LRFN5: variants seen among roughly 807,000 people sequenced by gnomAD.
The protein encoded by LRFN5 is leucine rich repeat and fibronectin type III domain containing 5, also known as leucine-rich repeat and fibronectin type-III domain-containing protein 5.
LRFN5 carries 24 observed loss-of-function variants against 45.6 expected under a neutral mutation model. The observed-to-expected ratio is 0.53, with a 90% CI of 0.38 to 0.74. The LOEUF is 0.74. LRFN5 is among the 30% of genes least tolerant of loss of function. The pLI is 0.00. For synonymous variants in LRFN5, 340 were observed against 313.8 expected, an observed-to-expected ratio of 1.08 and a Z score of -0.88; for missense variants, 776 against 861.5, an observed-to-expected ratio of 0.90 and a Z score of 1.24.
chr14:41,837,379 A>G (rs1888700028), intron 2 of LRFN5, among the ~76,000 whole-genome samples: 1 of 152,134 alleles, frequency 6.6e-6, no homozygotes, highest in African/African-American at 2.4e-5. Flanking sequence ...AGGGCAGTGG[A>G]GAAAGACATA....
intron 1 of LRFN5, among the ~76,000 whole-genome samples, chr14:41,632,525 C>T (rs979776963): frequency 6.6e-6 from 1 of 152,106 alleles, no homozygotes; most frequent in African/African-American, 2.4e-5. Flanking sequence ...ATTTCTTGAA[C>T]CCAGGAGGTG....
chr14:41,786,040 T>TG (rs1032897614), intron 2 of LRFN5, among the ~76,000 whole-genome samples: 1 of 152,134 alleles, frequency 6.6e-6, no homozygotes, highest in South Asian at 2.1e-4. Flanking sequence ...CCCTGATATA[T>TG]GGTACAAGAA....
At chr14:41,816,076 G>A (rs1209222400) in intron 2 of LRFN5, among the ~76,000 whole-genome samples, 1 of 152,040 alleles carries the variant, frequency 6.6e-6, no homozygotes, top group Non-Finnish European at 1.5e-5. Context: ...CAAGTAGTGT[G>A]AGTTTTATAT....
chr14:41,818,281 A>G (rs1887989209), intron 2 of LRFN5, among the ~76,000 whole-genome samples: 1 of 151,880 alleles, frequency 6.6e-6, no homozygotes, highest in African/African-American at 2.4e-5. Flanking sequence ...ATTGTAATTC[A>G]TGGTACTATT....
chr14:41,675,370 GC>G (rs1881574413), intron 1 of LRFN5, among the ~76,000 whole-genome samples: 1 of 152,262 alleles, frequency 6.6e-6, no homozygotes, highest in Non-Finnish European at 1.5e-5. Context: ...GGAGGCCGAG[GC>G]TGGCGGATCA....
chr14:41,778,598 T>G (rs1325740442), intron 2 of LRFN5, among the ~76,000 whole-genome samples: 5 of 151,818 alleles, frequency 3.3e-5, no homozygotes, highest in Middle Eastern at 3.4e-3. Context: ...TGAAGAAAGG[T>G]TTATAAAACT....
At chr14:41,612,878 AT>A (rs1887803114) in intron 1 of LRFN5, among the ~76,000 whole-genome samples, 1 of 152,112 alleles carries the variant, frequency 6.6e-6, no homozygotes, top group Non-Finnish European at 1.5e-5. Context: ...AAATATAAGA[AT>A]TTAATTCAAA....
At chr14:41,660,471 A>G (rs1566608059) in intron 1 of LRFN5, among the ~76,000 whole-genome samples, 1 of 152,126 alleles carries the variant, frequency 6.6e-6, no homozygotes, top group Non-Finnish European at 1.5e-5. Flanking sequence ...ACAATTACTA[A>G]TATTAGAAAA....
chr14:41,673,339 G>A (rs565540628), intron 1 of LRFN5, among the ~76,000 whole-genome samples: 4,359 of 138,014 alleles, frequency 0.032, 199 homozygotes, highest in African/African-American at 0.1. Flanking sequence ...CTGGCCGGGC[G>A]GGGGGCTGAC....
chr14:41,835,746 AAAAC>A (rs1029429427), intron 2 of LRFN5, among the ~76,000 whole-genome samples: 4 of 152,114 alleles, frequency 2.6e-5, no homozygotes, highest in Admixed American at 2.0e-4. Context: ...AAAACAAAAC[AAAAC>A]AAACTAATGA....
At chr14:41,894,242 C>A (rs1045081238) in intron 4 of LRFN5, 19 of 980,466 alleles carry the variant, frequency 1.9e-5, no homozygotes, top group Non-Finnish European at 2.2e-5. Context: ...CTATAAGTTA[C>A]TGATGAACTT....
chr14:41,831,282 TG>T (rs1485127751), intron 2 of LRFN5, among the ~76,000 whole-genome samples: 2 of 152,228 alleles, frequency 1.3e-5, no homozygotes, highest in African/African-American at 2.4e-5. Context: ...ACTTAAATAC[TG>T]AGATATAACT....
intron 2 of LRFN5, among the ~76,000 whole-genome samples, chr14:41,812,884 C>G (rs966061441): frequency 6.6e-6 from 1 of 152,022 alleles, no homozygotes; most frequent in Admixed American, 6.6e-5. Context: ...TTAGATTGTG[C>G]TAGATCCAGG....
At chr14:41,884,122 C>A (rs1002082333) in intron 2 of LRFN5, among the ~76,000 whole-genome samples, 1 of 152,180 alleles carries the variant, frequency 6.6e-6, no homozygotes, top group African/African-American at 2.4e-5. Context: ...CAATCTTTGT[C>A]TTTTCAGTTT....
At chr14:41,752,037 A>G (rs981350079) in intron 1 of LRFN5, among the ~76,000 whole-genome samples, 3 of 152,170 alleles carry the variant, frequency 2.0e-5, no homozygotes, top group Non-Finnish European at 4.4e-5. Context: ...TCCTTGCGAC[A>G]GTTTGCTGAA....
chr14:41,718,343 A>G (rs933740021), intron 1 of LRFN5, among the ~76,000 whole-genome samples: 4 of 152,166 alleles, frequency 2.6e-5, no homozygotes, highest in Non-Finnish European at 5.9e-5. Context: ...AGTACAAGTG[A>G]TAACTGAGCT....
At chr14:41,629,155 C>G in intron 1 of LRFN5, among the ~76,000 whole-genome samples, 1 of 152,046 alleles carries the variant, frequency 6.6e-6, no homozygotes, top group Non-Finnish European at 1.5e-5. Context: ...GGGGATTTTC[C>G]CACTTTTATT....
chr14:41,887,027 G>A lies in LRFN5; in HGVS notation c.402G>A (p.Gln134=). 1 of 1,614,172 alleles carries A rather than the reference G, an allele frequency of 6.2e-7. No homozygotes were observed. Among genetic ancestry groups the A allele is most frequent in the African/African-American group, 1.3e-5 (1 of 75,046 alleles). Residue 134 remains glutamine (Q), a synonymous_variant, in exon 3 of 6, where the codon CAG becomes CAA. Coordinates refer to ENST00000298119, the MANE Select transcript of LRFN5 (RefSeq NM_152447.5). The surrounding 1 kb of genome is among the most constrained non-coding windows in gnomAD (Gnocchi z 4.8). ...ATCATTTGATACTGAACAACAATCAGCTGACTTTAATTTCCTCTACAGCGT... is the reference window on the plus strand; with the variant it reads ...ATCATTTGATACTGAACAACAATCAACTGACTTTAATTTCCTCTACAGCGT... ...NLHHLILNNN[Q]LTLISSTAFD...
intron 2 of LRFN5, among the ~76,000 whole-genome samples, chr14:41,841,346 G>T (rs1888852475): frequency 6.6e-6 from 1 of 151,862 alleles, no homozygotes; most frequent in African/African-American, 2.4e-5. Flanking sequence ...GAAATAGCTA[G>T]TTCGAAATTT....
Sources: allele counts gnomAD v4.1 joint callset (sites outside exome capture counted in the v4.1 genomes callset), GRCh38; gene constraint gnomAD v4.1.1; non-coding constraint Gnocchi (gnomAD v3.1); transcripts MANE v1.5; gene names NCBI Gene and HGNC (gene_info 2026-07-23, HGNC 2026-07-21).